The following BCKDHB variants were observed in gnomAD, a reference collection of about 807,000 sequenced individuals.
The protein encoded by BCKDHB is 2-oxoisovalerate dehydrogenase subunit beta, mitochondrial.
In BCKDHB, 41 loss-of-function variants were observed where a neutral mutation model predicts 48.5. The observed-to-expected ratio is 0.85, with a 90% CI of 0.66 to 1.10. The LOEUF (loss-of-function observed/expected upper bound fraction) is 1.10. Ranked by LOEUF, BCKDHB falls within the 50% of genes least tolerant of loss-of-function variation. The probability of loss-of-function intolerance (pLI) is 0.00; values close to 1 mark genes in which losing one functional copy is unlikely to be tolerated. For missense variants in BCKDHB, 496 were observed against 494.2 expected (o/e 1.00, Z -0.03); for synonymous variants, 201 against 174.8 (o/e 1.15, Z -1.18).
chr6:80,203,079 G>T (rs376990218), intron 7 of BCKDHB, 23 bp from the exon 8 acceptor site: 5 of 1,511,598 alleles, frequency 3.3e-6, no homozygotes, highest in Middle Eastern at 1.7e-4. Flanking sequence ...GTCATTCTCT[G>T]CATATTTTTC....
chr6:80,338,571 A>G (rs2223873), intron 9 of BCKDHB, among the ~76,000 whole-genome samples: 70,279 of 152,106 alleles, frequency 0.46, 17,110 homozygotes, highest in Admixed American at 0.6. Flanking sequence ...TAGGCTTAGT[A>G]AGTGTTTAAT....
the BCKDHB span, among the ~76,000 whole-genome samples, chr6:80,416,357 TTTA>T: frequency 6.6e-6 from 1 of 152,040 alleles, no homozygotes; most frequent in Non-Finnish European, 1.5e-5. Context: ...TTTAGTTCTT[TTTA>T]TTGTGATGTT....
chr6:80,219,371 T>C (rs1056098207), intron 8 of BCKDHB, among the ~76,000 whole-genome samples: 1 of 152,082 alleles, frequency 6.6e-6, no homozygotes, highest in Non-Finnish European at 1.5e-5. Context: ...GATGCACCAC[T>C]AATTTTGTAT....
At chr6:80,124,584 A>G (rs1271165362) in intron 1 of BCKDHB, among the ~76,000 whole-genome samples, 1 of 152,086 alleles carries the variant, frequency 6.6e-6, no homozygotes, top group East Asian at 1.9e-4. Flanking sequence ...TATTGGGTGC[A>G]TATATTTAGG....
chr6:80,339,031 G>A (rs1307748239), intron 9 of BCKDHB, among the ~76,000 whole-genome samples: 1 of 151,982 alleles, frequency 6.6e-6, no homozygotes, highest in Non-Finnish European at 1.5e-5. Context: ...GAGGATGAGC[G>A]AAGCCACGAT....
chr6:80,275,589 TAGTG>T (rs1376995032), intron 9 of BCKDHB, among the ~76,000 whole-genome samples: 1 of 152,072 alleles, frequency 6.6e-6, no homozygotes, highest in Non-Finnish European at 1.5e-5. Context: ...TAGTAAAATT[TAGTG>T]AGCATGATAT....
Position 80,232,166 on chromosome 6 carries a change from T to C in BCKDHB, c.951+28954T>C, listed in dbSNP as rs141468018. On this transcript the variant is annotated intron_variant, in intron 8 of 9. Transcript: ENST00000320393. ...TCCTACAGCATCCCTGGATTTTGGATATATCCTACCTGCTTATTATAGTGG... is the reference window on the plus strand; with the variant it reads ...TCCTACAGCATCCCTGGATTTTGGACATATCCTACCTGCTTATTATAGTGG... Among the ~76,000 whole-genome samples the C allele has an allele frequency of 3.9e-3, 597 of 152,316 alleles. 8 individuals are homozygous for C. The highest frequency in any genetic ancestry group is 0.02 in the South Asian group (98 of 4,822).
At chr6:80,213,698 G>A (rs1775047161) in intron 8 of BCKDHB, among the ~76,000 whole-genome samples, 1 of 148,084 alleles carries the variant, frequency 6.8e-6, no homozygotes. Flanking sequence ...AACAAAATTA[G>A]AAAATGATAG....
intron 9 of BCKDHB, among the ~76,000 whole-genome samples, chr6:80,312,937 C>T (rs1768241409): frequency 6.6e-6 from 1 of 150,692 alleles, no homozygotes; most frequent in African/African-American, 2.5e-5. Flanking sequence ...TGATGCTGGC[C>T]TCATAGAATG....
chr6:80,375,146 T>C, the BCKDHB span, among the ~76,000 whole-genome samples: 352 of 152,312 alleles, frequency 2.3e-3, 2 homozygotes, highest in African/African-American at 7.8e-3. Flanking sequence ...GATCTTTTTA[T>C]GATGAATTTC....
chr6:80,356,941 CCCCCGCCCCCG>C, the BCKDHB span: 1 of 52,338 alleles, frequency 1.9e-5, no homozygotes, highest in Admixed American at 1.7e-4. Flanking sequence ...CTCTCCCCCG[CCCCCGCCCCCG>C]CCCCCCCCCC....
At chr6:80,134,147 T>C (rs1182422546) in intron 3 of BCKDHB, among the ~76,000 whole-genome samples, 1 of 152,168 alleles carries the variant, frequency 6.6e-6, no homozygotes, top group Admixed American at 6.5e-5. Flanking sequence ...CTGGTTGTGG[T>C]TCTTAGTGTA....
In BCKDHB at chr6:80,200,788, A is replaced by G. The variant is rs535143312; in HGVS notation, c.743-146A>G. The G allele has an allele frequency of 8.7e-5, 57 of 658,298 alleles. No individual in the cohort carries two copies. In the East Asian group the frequency reaches 1.1e-3, roughly 13 times the overall value. The allele number at this position is 658,298 out of a possible 1,614,324, so 40.8% of individuals were successfully genotyped here. A position where few individuals can be genotyped will look rare whatever the true frequency, so the allele number is the denominator to read the frequency against. ...GTAATGTCATGGAGCCATATCATAAATGCTATTTCTGTTTTAAGTAATACA... is the reference window on the plus strand; with the variant it reads ...GTAATGTCATGGAGCCATATCATAAGTGCTATTTCTGTTTTAAGTAATACA... On this transcript the variant is annotated intron_variant, in intron 6 of 9. Transcript: ENST00000320393.
chr6:80,426,832 T>A, the BCKDHB span, among the ~76,000 whole-genome samples: 27 of 152,266 alleles, frequency 1.8e-4, no homozygotes, highest in East Asian at 4.8e-3. Flanking sequence ...ATCTGTTAGA[T>A]TAAGTTGGTT....
downstream of BCKDHB, among the ~76,000 whole-genome samples, chr6:80,349,059 C>T (rs985083319): frequency 1.3e-4 from 20 of 152,122 alleles, no homozygotes; most frequent in African/African-American, 3.9e-4. Context: ...GTGATGGCTC[C>T]ATATTGCAAA....
At chr6:80,438,787 G>GT in the BCKDHB span, among the ~76,000 whole-genome samples, 33 of 152,200 alleles carry the variant, frequency 2.2e-4, no homozygotes, top group African/African-American at 7.7e-4. Context: ...TTACATCTGT[G>GT]TTTGTTGTAT....
intron 8 of BCKDHB, among the ~76,000 whole-genome samples, chr6:80,239,742 C>G (rs1182280293): frequency 6.6e-6 from 1 of 152,150 alleles, no homozygotes; most frequent in Non-Finnish European, 1.5e-5. Flanking sequence ...TTAGGTCTAA[C>G]ATTTAAGTCT....
chr6:80,269,930 A>G (rs1478845300), intron 8 of BCKDHB, among the ~76,000 whole-genome samples: 1 of 152,100 alleles, frequency 6.6e-6, no homozygotes, highest in Non-Finnish European at 1.5e-5. Context: ...TATTTTGCCT[A>G]GATATGTGAA....
chr6:80,133,626 A>T (rs1428193095), intron 3 of BCKDHB, among the ~76,000 whole-genome samples: 1 of 151,930 alleles, frequency 6.6e-6, no homozygotes, highest in Non-Finnish European at 1.5e-5. Context: ...TTTATGTTGA[A>T]TGCCACACAT....
Sources: allele counts gnomAD v4.1 joint callset (sites outside exome capture counted in the v4.1 genomes callset), GRCh38; gene constraint gnomAD v4.1.1; transcripts MANE v1.5; gene names NCBI Gene and HGNC (gene_info 2026-07-23, HGNC 2026-07-21).